TTN: variants seen among roughly 807,000 people sequenced by gnomAD.
TTN encodes the protein connectin.
Under a neutral mutation model 3,223.0 loss-of-function variants are expected in TTN, and 1,525 were observed. The ratio of observed to expected loss-of-function variants is 0.47; its 90% CI spans 0.45 to 0.49. The LOEUF (loss-of-function observed/expected upper bound fraction) is 0.49, where lower values mean the gene tolerates loss of function less well. Ranked by LOEUF, TTN falls within the 20% of genes least tolerant of loss-of-function variation. The pLI is 0.00. For missense variants in TTN, 40,786 were observed against 43,424.0 expected (o/e 0.94, Z 5.40); for synonymous variants, 14,094 against 15,161.0 (o/e 0.93, Z 5.17).
Position 178,594,101 on chromosome 2 carries a change from T to A in TTN, c.58292A>T (p.Asp19431Val), listed in dbSNP as rs772172264. ...TGGTGTAGTCTTTATATGAGTGCGA[T>A]CATCTTCCAGCACATCAGCTTCATC... ...FKDEADVLED[D>V]RTHIKTTPAT... is the part of the protein sequence containing the mutation. The change falls in exon 297 of 363, where the codon GAT becomes GTT. Residue 19431 changes from aspartate (D) to valine (V), a missense_variant. Physicochemically the swap from Asp to Val is radical, Grantham distance 152. Transcript: ENST00000589042. The A allele has an allele frequency of 6.2e-7, 1 of 1,613,420 alleles. No homozygotes were observed. Among genetic ancestry groups the A allele is most frequent in the South Asian group, 1.1e-5 (1 of 91,078 alleles).
chr2:178,675,838 A>G (rs1020627698), intron 148 of TTN, 83 bp downstream of exon 148: 3 of 1,536,990 alleles, frequency 2.0e-6, no homozygotes, highest in Admixed American at 2.0e-5. Context: ...AGTTGTATTA[A>G]CAAATACGGA....
chr2:178,750,941 T>C, intron 47 of TTN: 1 of 1,613,062 alleles, frequency 6.2e-7, no homozygotes, highest in East Asian at 2.2e-5. Flanking sequence ...TAAATGGTCT[T>C]TTGGTAGACT....
chr2:178,800,326 C>G lies in TTN; in HGVS notation c.583+69G>C, dbSNP rs369264190. On this transcript the variant is annotated intron_variant, in intron 4 of 362. Coordinates refer to ENST00000589042, the MANE Select transcript of TTN (RefSeq NM_001267550.2). ...AGGGCTGTGAGAGGTGGCAAGTGGA[C>G]GCTTGGCCCCATTTAGACACAAACC... 3 of 1,597,328 alleles carry G rather than the reference C, an allele frequency of 1.9e-6. No individual in the cohort carries two copies. The African/African-American group carries it at 4.0e-5, about 21-fold the overall frequency.
In TTN at chr2:178,735,524, T is replaced by A; in HGVS notation, c.14922A>T (p.Thr4974=). ...NEAGSSSCSA[T]VTVREPPSFV... Reference sequence around the variant, plus strand: ...CACGTTTCTTACCTCTGACAGTGACTGTGGCTGAGCAGGAGCTGCTTCCAG... The same window carrying A: ...CACGTTTCTTACCTCTGACAGTGACAGTGGCTGAGCAGGAGCTGCTTCCAG... Residue 4974 remains threonine, a synonymous_variant, in exon 50 of 363, where the codon ACA becomes ACT. Coordinates refer to ENST00000589042, the MANE Select transcript of TTN (RefSeq NM_001267550.2). 2 of 1,585,576 alleles carry A rather than the reference T, an allele frequency of 1.3e-6. No homozygotes were observed. The highest frequency in any genetic ancestry group is 1.7e-6 in the Non-Finnish European group (2 of 1,168,564).
chr2:178,636,794 G>A lies in TTN; in HGVS notation c.40933C>T (p.Pro13645Ser), dbSNP rs375408422. ...AKPKGPIKGVPKKTPSPIEAE... is the reference protein window; with the variant it reads ...AKPKGPIKGVSKKTPSPIEAE... Reference sequence around the variant, plus strand: ...TCTATTGGTGAAGGAGTCTTTTTGGGTACACCTAATTCAAAGTAAAATAAA... The same window carrying A: ...TCTATTGGTGAAGGAGTCTTTTTGGATACACCTAATTCAAAGTAAAATAAA... The change falls in exon 225 of 363, where the codon CCC becomes TCC. Residue 13645 changes from proline (P) to serine (S), a missense_variant. By Grantham distance (74) the Pro-to-Ser change is moderately conservative. Transcript: ENST00000589042. This position sits in a 1 kb window ranked among gnomAD's most constrained non-coding sequence, Gnocchi z 4.3. 1 of 1,582,976 alleles carries A rather than the reference G, an allele frequency of 6.3e-7. No homozygotes were observed. The highest frequency in any genetic ancestry group is 1.4e-5 in the African/African-American group (1 of 73,384).
In TTN at chr2:178,729,783, A is replaced by G. The variant is rs371882162; in HGVS notation, c.18470T>C (p.Ile6157Thr). ...TAIQKHGISF[I>T]DGLATFQISG... The stretch of plus-strand genomic sequence containing the variant: ...AATCTGGAAAGTGGCTAAACCATCA[A>G]TGAAGGAAATGCCATGTTTCTGAAT... The change falls in exon 63 of 363, where the codon ATT (isoleucine) becomes ACT (threonine). Residue 6157 changes from isoleucine to threonine, a missense_variant. Ile to Thr is a moderately conservative substitution (Grantham distance 89). Transcript: ENST00000589042. 127 of 1,613,610 alleles carry G rather than the reference A, an allele frequency of 7.9e-5. No individual in the cohort carries two copies. The highest frequency in any genetic ancestry group is 1.0e-4 in the Non-Finnish European group (121 of 1,179,724).
rs530453291 is a variant in TTN, at chr2:178,530,273, G to A, written c.106342C>T (p.Arg35448Trp). Residue 35448 changes from arginine (R) to tryptophan (W), a missense_variant, in exon 358 of 363, where the codon CGG becomes TGG. Coordinates refer to ENST00000589042, the MANE Select transcript of TTN (RefSeq NM_001267550.2). ...KFAVKATGEP[R>W]PTAIWTKDGK... ...TCTTTTGTCCAGATGGCAGTTGGCC[G>A]GGGTTCTCCAGTAGCCTTAACTGCA... 22 of 1,607,374 alleles carry A rather than the reference G, an allele frequency of 1.4e-5. No homozygotes were observed. In the East Asian group the frequency reaches 2.7e-4, roughly 20 times the overall value.
rs556497793 is a variant in TTN at position 178,785,687 on chromosome 2, G to C, written c.2426C>G (p.Pro809Arg). ...TERLVHVDKR[P>R]RTASPHFTVS... is the part of the protein sequence containing the mutation. ...AGTAAAGTGAGGGCTAGCTGTGCGG[G>C]GGCGTTTATCCACATGGACTAATCT... The change falls in exon 15 of 363, where the codon CCC becomes CGC. Residue 809 changes from proline (P) to arginine (R), a missense_variant. Coordinates refer to ENST00000589042, the MANE Select transcript of TTN (RefSeq NM_001267550.2). 2.5e-6 allele frequency: 4 copies of C among 1,614,140 alleles called. No homozygotes were observed. In the South Asian group the frequency reaches 4.4e-5, roughly 18 times the overall value.
chr2:178,782,501 T>A, intron 19 of TTN, 38 bp downstream of exon 19: 1 of 1,613,792 alleles, frequency 6.2e-7, no homozygotes. Context: ...AAAGTCAAAA[T>A]GGTACTAGAA....
intron 43 of TTN, among the ~76,000 whole-genome samples, chr2:178,763,620 G>C (rs1378293396): frequency 6.6e-6 from 1 of 152,074 alleles, no homozygotes; most frequent in Non-Finnish European, 1.5e-5. Context: ...TATACTCAAT[G>C]TATTCATGAC....
At chr2:178,703,311 C>A (rs539684145) in intron 106 of TTN, among the ~76,000 whole-genome samples, 1 of 152,074 alleles carries the variant, frequency 6.6e-6, no homozygotes, top group African/African-American at 2.4e-5. Context: ...CTCTGGTGAG[C>A]TCTATTTACT....
In TTN at chr2:178,664,600, AT is replaced by A. The variant is rs2065554649; in HGVS notation, c.36202+53del. ...AAGAATCAACACAATCAGGAAAAAC[AT>A]TTATACAAGAAAAGACATGTTCCCA... On this transcript the variant is annotated intron_variant, in intron 167 of 362. Coordinates refer to ENST00000589042, the MANE Select transcript of TTN (RefSeq NM_001267550.2). 3 of 1,606,646 alleles carry A rather than the reference AT, an allele frequency of 1.9e-6. No individual in the cohort carries two copies. The Admixed American group carries it at 5.1e-5, about 27-fold the overall frequency.
Position 178,618,711 on chromosome 2 carries a change from A to G in TTN, c.46839T>C (p.Ile15613=). 1 of 1,612,148 alleles carries G rather than the reference A, an allele frequency of 6.2e-7. No individual in the cohort carries two copies. The highest frequency in any genetic ancestry group is 8.5e-7 in the Non-Finnish European group (1 of 1,178,912). ...AAGAAGTTTGTTCAGCCGTAGTATC[A>G]ATGGTTTTTGTAGATAAAGGTTCAT... ...KENEPLSTKT[I]DTTAEQTSFR... Residue 15613 remains isoleucine, a synonymous_variant, in exon 251 of 363, where the codon ATT becomes ATC. Coordinates refer to ENST00000589042, the MANE Select transcript of TTN (RefSeq NM_001267550.2).
At position 178,768,025 on chromosome 2, in the gene TTN, C is replaced by T; in HGVS notation, c.9294G>A (p.Gln3098=). 6.2e-7 allele frequency: 1 copy of T among 1,614,152 alleles called. No individual in the cohort carries two copies. The highest frequency in any genetic ancestry group is 1.1e-5 in the South Asian group (1 of 91,082). ...ACAAAACAACTGACCTGTCTGTGATCTGCAGTTCCTGGTCATCTTTCATCC... is the reference window on the plus strand; with the variant it reads ...ACAAAACAACTGACCTGTCTGTGATTTGCAGTTCCTGGTCATCTTTCATCC... ...VQWMKDDQEL[Q]ITDRIKIQKE... is the part of the protein sequence containing the mutation. The change falls in exon 39 of 363, where the codon CAG becomes CAA. Residue 3098 remains glutamine, a synonymous_variant. Coordinates refer to ENST00000589042, the MANE Select transcript of TTN (RefSeq NM_001267550.2).
chr2:178,626,061 A>G (rs2059000098), intron 240 of TTN, among the ~76,000 whole-genome samples: 1 of 151,964 alleles, frequency 6.6e-6, no homozygotes, highest in Admixed American at 6.6e-5. Flanking sequence ...TTATATACAT[A>G]TAAAGGAAGA....
In TTN at chr2:178,633,319, T is replaced by C; in HGVS notation, c.42954A>G (p.Leu14318=). The part of the protein sequence containing the change: ...TKANVTVEAR[L]IKVEKPLYGV... ...CGTACAGAGGCTTTTCCACTTTTAT[T>C]AGTCGAGCTGAAATGATACAGTTTT... Residue 14318 remains leucine, a synonymous_variant, in exon 233 of 363, where the codon CTA becomes CTG. Coordinates refer to ENST00000589042, the MANE Select transcript of TTN (RefSeq NM_001267550.2). The C allele has an allele frequency of 6.2e-7, 1 of 1,612,904 alleles. No homozygotes were observed. The highest frequency in any genetic ancestry group is 8.5e-7 in the Non-Finnish European group (1 of 1,179,422).
intron 109 of TTN, 132 bp downstream of exon 109, chr2:178,701,908 A>G (rs904540747): frequency 1.2e-4 from 115 of 955,818 alleles, no homozygotes; most frequent in Admixed American, 2.3e-4. Flanking sequence ...ATTCTACTGC[A>G]TAACAGTTTT....
Position 178,800,496 on chromosome 2 carries a change from A to G in TTN, c.482T>C (p.Leu161Ser). Residue 161 changes from leucine to serine, a missense_variant, in exon 4 of 363, where the codon TTA becomes TCA. Leu to Ser is a moderately radical substitution (Grantham distance 145). Coordinates refer to ENST00000589042, the MANE Select transcript of TTN (RefSeq NM_001267550.2). Reference sequence around the variant, plus strand: ...CTCAGGGTATGCTTCTGCAATCAGTAAGCTGTAGAGGTCGCCTTCTTGTGA... The same window carrying G: ...CTCAGGGTATGCTTCTGCAATCAGTGAGCTGTAGAGGTCGCCTTCTTGTGA... ...QISQEGDLYS[L>S]LIAEAYPEDS... 6.2e-7 allele frequency: 1 copy of G among 1,614,140 alleles called. No homozygotes were observed. Among genetic ancestry groups the G allele is most frequent in the African/African-American group, 1.3e-5 (1 of 75,040 alleles).
At chr2:178,527,963 C>G (rs1320598863) in intron 361 of TTN, 1 of 547,822 alleles carries the variant, frequency 1.8e-6, no homozygotes, top group Non-Finnish European at 3.1e-6. Flanking sequence ...TCTATCATTA[C>G]ATTACATGCA....
Sources: gnomAD v4.1 joint callset for allele counts (sites outside exome capture counted in the v4.1 genomes callset) on GRCh38, gnomAD v4.1.1 for gene constraint, Gnocchi (gnomAD v3.1) non-coding constraint, MANE v1.5 for transcripts, NCBI Gene and HGNC (gene_info 2026-07-23, HGNC 2026-07-21) for gene names.